CDH12: variants seen among roughly 807,000 people sequenced by gnomAD.
CDH12 encodes cadherin 12.
In CDH12, 41 loss-of-function variants were observed where a neutral mutation model predicts 74.1. The ratio of observed to expected loss-of-function variants is 0.55; its 90% confidence interval spans 0.43 to 0.72. The LOEUF (loss-of-function observed/expected upper bound fraction) is 0.72. CDH12 is among the 30% of genes least tolerant of loss of function. The probability of loss-of-function intolerance (pLI) is 0.00; values close to 1 mark genes in which losing one functional copy is unlikely to be tolerated. For missense variants in CDH12, 945 were observed against 977.2 expected (o/e 0.97, Z 0.44); for synonymous variants, 399 against 355.0 (o/e 1.12, Z -1.39).
At chr5:22,822,443 G>A (rs1297576107) in intron 1 of CDH12, among the ~76,000 whole-genome samples, 1 of 151,952 alleles carries the variant, frequency 6.6e-6, no homozygotes, top group East Asian at 1.9e-4. Flanking sequence ...GAGTGAACAG[G>A]CAACCTACAG....
chr5:22,025,210 T>C (rs879671429), intron 5 of CDH12, among the ~76,000 whole-genome samples: 4 of 152,118 alleles, frequency 2.6e-5, no homozygotes, highest in Non-Finnish European at 4.4e-5. Flanking sequence ...TAACACAAAA[T>C]ATAAATTTCT....
At chr5:21,982,783 C>T (rs1212719132) in intron 5 of CDH12, among the ~76,000 whole-genome samples, 1 of 151,994 alleles carries the variant, frequency 6.6e-6, no homozygotes, top group Non-Finnish European at 1.5e-5. Context: ...TCTTTTTACA[C>T]TAATTAGAAC....
intron 11 of CDH12, among the ~76,000 whole-genome samples, chr5:21,780,249 A>G (rs1745829316): frequency 6.6e-6 from 1 of 152,308 alleles, no homozygotes; most frequent in African/African-American, 2.4e-5. Flanking sequence ...CACCAATCAT[A>G]TTAATAACTA....
chr5:22,408,478 C>A (rs199538478), intron 2 of CDH12, among the ~76,000 whole-genome samples: 1 of 151,684 alleles, frequency 6.6e-6, no homozygotes, highest in Non-Finnish European at 1.5e-5. Context: ...GGCAACCTTA[C>A]GACCAGGAGC....
At chr5:22,629,015 G>T (rs945717986) in intron 1 of CDH12, among the ~76,000 whole-genome samples, 1 of 151,134 alleles carries the variant, frequency 6.6e-6, no homozygotes, top group Non-Finnish European at 1.5e-5. Flanking sequence ...AAATGGAAAA[G>T]AATCTGGAAG....
chr5:22,469,681 T>C (rs181156689), intron 2 of CDH12, among the ~76,000 whole-genome samples: 154 of 152,288 alleles, frequency 1.0e-3, no homozygotes, highest in Admixed American at 3.9e-3. Context: ...GCAGTCATTT[T>C]CCAGTGTTAT....
chr5:22,688,891 T>G (rs541275177), intron 1 of CDH12, among the ~76,000 whole-genome samples: 2 of 152,250 alleles, frequency 1.3e-5, no homozygotes, highest in South Asian at 4.1e-4. Flanking sequence ...AGGAAGAGAG[T>G]ATTTTGAATG....
intron 1 of CDH12, among the ~76,000 whole-genome samples, chr5:22,767,442 G>A (rs932766279): frequency 2.6e-4 from 39 of 151,764 alleles, no homozygotes; most frequent in Non-Finnish European, 5.3e-4. Context: ...ATTGAACTTG[G>A]AAAATAAACT....
At position 22,621,656 on chromosome 5, in the gene CDH12, T is replaced by C. The variant is rs1196555217; in HGVS notation, c.-522-116292A>G. 3.3e-5 allele frequency among the ~76,000 whole-genome samples: 5 copies of C among 152,118 alleles called. No individual in the cohort carries two copies. The East Asian group carries it at 9.6e-4, about 29-fold the overall frequency. ...ATTAATCAAGAAAATAAGAAATGTG[T>C]TCATTGATAACATTAGAAATAATAA... On this transcript the variant is annotated intron_variant, in intron 1 of 14. Coordinates refer to ENST00000382254, the MANE Select transcript of CDH12 (RefSeq NM_004061.5).
At chr5:22,738,122 G>A (rs1290470116) in intron 1 of CDH12, among the ~76,000 whole-genome samples, 2 of 152,100 alleles carry the variant, frequency 1.3e-5, no homozygotes, top group Middle Eastern at 3.4e-3. Flanking sequence ...AAACTGTTTA[G>A]AGCTGGAGAA....
At chr5:22,027,594 A>C (rs950338148) in intron 5 of CDH12, among the ~76,000 whole-genome samples, 3 of 151,978 alleles carry the variant, frequency 2.0e-5, no homozygotes, top group African/African-American at 7.3e-5. Context: ...TTTCTAGTTT[A>C]TTTGCGTAGA....
At chr5:21,886,135 T>C (rs1752615277) in intron 6 of CDH12, among the ~76,000 whole-genome samples, 1 of 152,202 alleles carries the variant, frequency 6.6e-6, no homozygotes, top group African/African-American at 2.4e-5. Flanking sequence ...TCTGGAAGTC[T>C]AATGCCACTT....
intron 4 of CDH12, among the ~76,000 whole-genome samples, chr5:22,185,185 TTC>T (rs750158077): frequency 1.9e-3 from 285 of 147,786 alleles, no homozygotes; most frequent in African/African-American, 6.8e-3. Context: ...AGAGTCCTCC[TTC>T]TCTCTCTCTC....
At chr5:22,755,512 C>A (rs1745847762) in intron 1 of CDH12, among the ~76,000 whole-genome samples, 1 of 152,056 alleles carries the variant, frequency 6.6e-6, no homozygotes, top group Non-Finnish European at 1.5e-5. Flanking sequence ...CTATCACGAG[C>A]AAAGTAATGC....
intron 3 of CDH12, among the ~76,000 whole-genome samples, chr5:22,389,372 C>T (rs1227940547): frequency 6.6e-6 from 1 of 152,084 alleles, no homozygotes; most frequent in Non-Finnish European, 1.5e-5. Context: ...TATGGATTGT[C>T]AAGTTTCATA....
chr5:21,995,696 A>C (rs1235444279), intron 5 of CDH12, among the ~76,000 whole-genome samples: 2 of 151,548 alleles, frequency 1.3e-5, no homozygotes, highest in Non-Finnish European at 2.9e-5. Flanking sequence ...CTTCTGCTTG[A>C]AACTTTGTGG....
chr5:22,170,014 A>AATTAGGCATATTGAAATATGC lies in CDH12; in HGVS notation c.-187+42483_-187+42484insGCATATTTCAATATGCCTAAT, dbSNP rs1748927555. On this transcript the variant is annotated intron_variant, in intron 4 of 14. Coordinates refer to ENST00000382254, the MANE Select transcript of CDH12 (RefSeq NM_004061.5). ...AAAATATGCCTAATTGAAATAAACC[A>AATTAGGCATATTGAAATATGC]CTACAATTTTATTTGCCATTACAAT... is the stretch of plus-strand genomic sequence containing the variant. 3.3e-5 allele frequency among the ~76,000 whole-genome samples: 5 copies of AATTAGGCATATTGAAATATGC among 152,060 alleles called. No homozygotes were observed. In the South Asian group the frequency reaches 1.0e-3, roughly 31 times the overall value.
intron 1 of CDH12, among the ~76,000 whole-genome samples, chr5:22,628,692 G>C (rs1262605708): frequency 2.6e-5 from 4 of 152,092 alleles, no homozygotes; most frequent in African/African-American, 9.7e-5. Flanking sequence ...AGAGAAGCTA[G>C]AGAAACAAGA....
chr5:21,852,126 G>A (rs906059504), intron 7 of CDH12, among the ~76,000 whole-genome samples: 4 of 151,326 alleles, frequency 2.6e-5, no homozygotes, highest in African/African-American at 4.8e-5. Flanking sequence ...TCTACCACAA[G>A]GTGATAAATT....
Sources: allele counts gnomAD v4.1 joint callset (sites outside exome capture counted in the v4.1 genomes callset), GRCh38; gene constraint gnomAD v4.1.1; transcripts MANE v1.5; gene names NCBI Gene and HGNC (gene_info 2026-07-23, HGNC 2026-07-21).